The following RNGTT variants were observed in gnomAD, a reference collection of about 807,000 sequenced individuals.
The protein encoded by RNGTT is mRNA-capping enzyme.
In RNGTT, 33 loss-of-function variants were observed where a neutral mutation model predicts 79.3. The observed-to-expected ratio is 0.42, with a 90% CI of 0.32 to 0.56. The LOEUF is 0.56. RNGTT is among the 20% of genes least tolerant of loss of function. RNGTT has a pLI of 0.17. For synonymous variants in RNGTT, 222 were observed against 235.9 expected (o/e 0.94, Z 0.54); for missense variants, 497 against 739.1 (o/e 0.67, Z 3.80).
rs778798879 is a variant in RNGTT, at chr6:88,725,985, TAAAGAG to T, written c.1439+43783_1439+43788del. 2.0e-5 allele frequency among the ~76,000 whole-genome samples: 3 copies of T among 146,472 alleles called. 1 individual carries two copies. Among genetic ancestry groups the T allele is most frequent in the Non-Finnish European group, 4.5e-5 (3 of 65,998 alleles). On this transcript the variant is annotated intron_variant, in intron 13 of 15. Coordinates refer to ENST00000369485, the MANE Select transcript of RNGTT (RefSeq NM_003800.5). ...AGAAAGAGAGAGACAGGCGGAGAGA[TAAAGAG>T]AAAGACAAAGAGGAAATCAGAGAGA...
At chr6:88,914,471 C>A (rs1783933120) in intron 4 of RNGTT, among the ~76,000 whole-genome samples, 1 of 151,934 alleles carries the variant, frequency 6.6e-6, no homozygotes, top group South Asian at 2.1e-4. Flanking sequence ...ATAGAGAACC[C>A]AGAAATAAAG....
intron 13 of RNGTT, among the ~76,000 whole-genome samples, chr6:88,739,305 C>T (rs1777389503): frequency 6.6e-6 from 1 of 152,026 alleles, no homozygotes; most frequent in South Asian, 2.1e-4. Context: ...GGCCAATACC[C>T]AGCAATTCAC....
Position 88,643,506 on chromosome 6 carries a change from T to C in RNGTT, c.1507-29111A>G, listed in dbSNP as rs577681566. 5.9e-5 allele frequency among the ~76,000 whole-genome samples: 9 copies of C among 152,276 alleles called. No homozygotes were observed. In the East Asian group the frequency reaches 1.5e-3, roughly 26 times the overall value. On this transcript the variant is annotated intron_variant, in intron 14 of 15. Transcript: ENST00000369485. ...TCAGCTCTGCACCAAGTGGACCTAATAGACATCTACATAACTCTCCACCCC... is the reference window on the plus strand; with the variant it reads ...TCAGCTCTGCACCAAGTGGACCTAACAGACATCTACATAACTCTCCACCCC...
At chr6:88,811,869 T>C (rs1455419491) in intron 11 of RNGTT, among the ~76,000 whole-genome samples, 3 of 152,290 alleles carry the variant, frequency 2.0e-5, no homozygotes, top group African/African-American at 7.2e-5. Flanking sequence ...ATCTCTTGAC[T>C]CTTTTATGTG....
At chr6:88,890,469 G>A (rs1457671981) in intron 8 of RNGTT, 26 bp downstream of exon 8, 3 of 1,421,482 alleles carry the variant, frequency 2.1e-6, no homozygotes, top group South Asian at 1.2e-5. Context: ...GGTTATTTGT[G>A]TAATTTTTTT....
intron 11 of RNGTT, among the ~76,000 whole-genome samples, chr6:88,841,015 C>T (rs1041552455): frequency 6.6e-6 from 1 of 152,066 alleles, no homozygotes; most frequent in African/African-American, 2.4e-5. Context: ...TGGCTTTTGC[C>T]CAACTTTTAT....
chr6:88,827,191 G>A lies in RNGTT; in HGVS notation c.1269+17166C>T, dbSNP rs116162112. Among the ~76,000 whole-genome samples the A allele has an allele frequency of 2.8e-3, 427 of 152,194 alleles. 3 individuals carry two copies. The highest frequency in any genetic ancestry group is 9.8e-3 in the African/African-American group (408 of 41,524). On this transcript the variant is annotated intron_variant, in intron 11 of 15. Coordinates refer to ENST00000369485, the MANE Select transcript of RNGTT (RefSeq NM_003800.5). ...TTCTGCATTTCTAACTGAAGTACCT[G>A]GCTCATCTCGTTGGGATTGGTTAGA...
At chr6:88,855,498 C>CA (rs34355921) in intron 8 of RNGTT, among the ~76,000 whole-genome samples, 3,488 of 108,888 alleles carry the variant, frequency 0.032, 43 homozygotes, top group Non-Finnish European at 0.046. Flanking sequence ...TAATCAGTTC[C>CA]AAAAAAAAAA....
At chr6:88,637,665 A>C (rs1773149052) in intron 14 of RNGTT, among the ~76,000 whole-genome samples, 1 of 152,022 alleles carries the variant, frequency 6.6e-6, no homozygotes, top group Non-Finnish European at 1.5e-5. Context: ...GTCATGTCAT[A>C]ATTTCTCATG....
At chr6:88,669,985 T>A (rs1322693546) in intron 14 of RNGTT, among the ~76,000 whole-genome samples, 1 of 152,198 alleles carries the variant, frequency 6.6e-6, no homozygotes, top group African/African-American at 2.4e-5. Flanking sequence ...TTAGAAATAA[T>A]CACTAATGAA....
In RNGTT at chr6:88,610,795, A is replaced by T. The variant is rs1272761383; in HGVS notation, c.*1924T>A. 6.6e-6 allele frequency: 1 copy of T among 152,232 alleles called. No homozygotes were observed. The highest frequency in any genetic ancestry group is 2.4e-5 in the African/African-American group (1 of 41,466). The allele number at this position is 152,232 out of a possible 1,614,324, so 9.4% of individuals were successfully genotyped here. ...TTGAAAGGTTACAATTACCATAAAC[A>T]TTTTAACTCCATTAAAGATCATTGG... is the stretch of plus-strand genomic sequence containing the variant. On this transcript the variant is annotated 3_prime_UTR_variant, in exon 16 of 16. Coordinates refer to ENST00000369485, the MANE Select transcript of RNGTT (RefSeq NM_003800.5).
At chr6:88,847,385 C>A (rs1390411933) in intron 10 of RNGTT, among the ~76,000 whole-genome samples, 1 of 151,992 alleles carries the variant, frequency 6.6e-6, no homozygotes, top group African/African-American at 2.4e-5. Context: ...TGATGAAATT[C>A]TTTCTGGACA....
intron 11 of RNGTT, among the ~76,000 whole-genome samples, chr6:88,815,158 A>G (rs1266326063): frequency 6.6e-6 from 1 of 152,226 alleles, no homozygotes; most frequent in Non-Finnish European, 1.5e-5. Context: ...GATAAAGACT[A>G]AAGGTCAGAC....
chr6:88,669,935 C>A (rs776559870), intron 14 of RNGTT, among the ~76,000 whole-genome samples: 11 of 152,204 alleles, frequency 7.2e-5, no homozygotes, highest in Non-Finnish European at 1.0e-4. Context: ...ACCAAACCCC[C>A]ATTTACATGC....
intron 13 of RNGTT, among the ~76,000 whole-genome samples, chr6:88,680,941 A>T (rs1775071129): frequency 6.6e-6 from 1 of 152,208 alleles, no homozygotes; most frequent in Non-Finnish European, 1.5e-5. Flanking sequence ...AGATTCAAAT[A>T]GGAAATGTCC....
intron 1 of RNGTT, among the ~76,000 whole-genome samples, chr6:88,946,708 G>A (rs910390456): frequency 1.3e-5 from 2 of 151,064 alleles, no homozygotes; most frequent in East Asian, 2.0e-4. Flanking sequence ...ATGCGGAGCC[G>A]AAGCTGGACT....
chr6:88,903,383 AAAAC>A (rs1469935769), intron 6 of RNGTT, among the ~76,000 whole-genome samples: 11 of 152,160 alleles, frequency 7.2e-5, no homozygotes, highest in Non-Finnish European at 1.3e-4. Flanking sequence ...CCTGTCTCCA[AAAAC>A]AAACAAACAA....
chr6:88,846,178 A>G (rs1034390476), intron 10 of RNGTT, among the ~76,000 whole-genome samples: 1 of 152,198 alleles, frequency 6.6e-6, no homozygotes, highest in Non-Finnish European at 1.5e-5. Context: ...TAGGTGTTGA[A>G]TTACTGAGAA....
At chr6:88,883,170 C>CA (rs976114373) in intron 8 of RNGTT, among the ~76,000 whole-genome samples, 3,128 of 68,814 alleles carry the variant, frequency 0.045, 107 homozygotes, top group African/African-American at 0.057. Context: ...CTCTTTATGA[C>CA]AAAAAAAAAA....
Sources: gnomAD v4.1 joint callset for allele counts (sites outside exome capture counted in the v4.1 genomes callset) on GRCh38, gnomAD v4.1.1 for gene constraint, MANE v1.5 for transcripts, NCBI Gene and HGNC (gene_info 2026-07-23, HGNC 2026-07-21) for gene names.